The following CSMD1 variants were observed in gnomAD, a reference collection of about 807,000 sequenced individuals.
CSMD1 encodes the protein CUB and sushi domain-containing protein 1.
CSMD1 carries 213 observed loss-of-function variants against 417.5 expected under a neutral mutation model. That is an observed-to-expected ratio of 0.51 (90% CI 0.46 to 0.57). CSMD1 has a LOEUF of 0.57. Ranked by LOEUF, CSMD1 falls within the 20% of genes least tolerant of loss-of-function variation. The probability of loss-of-function intolerance (pLI) is 0.00; values close to 1 mark genes in which losing one functional copy is unlikely to be tolerated. For synonymous variants in CSMD1, 2,862 were observed against 1,736.8 expected, an observed-to-expected ratio of 1.65 and a Z score of -16.11; for missense variants, 6,923 against 4,529.7, an observed-to-expected ratio of 1.53 and a Z score of -15.17.
intron 5 of CSMD1, among the ~76,000 whole-genome samples, chr8:3,910,867 G>C (rs1009400272): frequency 3.3e-5 from 5 of 152,172 alleles, no homozygotes; most frequent in Non-Finnish European, 5.9e-5. Flanking sequence ...TGGATGCAAT[G>C]AATTTCAAGA....
intron 1 of CSMD1, among the ~76,000 whole-genome samples, chr8:4,781,018 C>A (rs1797126047): frequency 6.6e-6 from 1 of 152,194 alleles, no homozygotes; most frequent in Non-Finnish European, 1.5e-5. Flanking sequence ...AGGGTAATTA[C>A]CACCTGCAAA....
At chr8:4,873,181 G>A (rs1802834560) in intron 1 of CSMD1, among the ~76,000 whole-genome samples, 2 of 152,204 alleles carry the variant, frequency 1.3e-5, no homozygotes, top group East Asian at 1.9e-4. Flanking sequence ...ATGATAGGAG[G>A]TGGCAACAAT....
At chr8:3,232,114 G>C (rs1014190223) in intron 26 of CSMD1, among the ~76,000 whole-genome samples, 2 of 152,140 alleles carry the variant, frequency 1.3e-5, no homozygotes, top group Non-Finnish European at 2.9e-5. Flanking sequence ...TCAATGCGTA[G>C]AACATACCCT....
intron 1 of CSMD1, among the ~76,000 whole-genome samples, chr8:4,928,563 T>G (rs1018692097): frequency 8.3e-4 from 126 of 152,284 alleles, no homozygotes; most frequent in African/African-American, 3.0e-3. Context: ...AATTCCAGTC[T>G]TGCAGATGTG....
In CSMD1 at chr8:3,215,844, A is replaced by T. The variant is rs553908545; in HGVS notation, c.4673-1153T>A. The stretch of plus-strand genomic sequence containing the variant: ...ACTTTGGGAAGCTCTGGAGGAAGAA[A>T]AAGAGACCTGATTAACTGTATTTAT... On this transcript the variant is annotated intron_variant, in intron 29 of 69. Transcript: ENST00000635120. Among the ~76,000 whole-genome samples the T allele has an allele frequency of 3.2e-4, 49 of 152,160 alleles. 1 individual carries two copies. In the South Asian group the frequency reaches 5.6e-3, roughly 17 times the overall value.
intron 1 of CSMD1, among the ~76,000 whole-genome samples, chr8:4,933,207 G>C (rs5001121): frequency 6.6e-6 from 1 of 151,808 alleles, no homozygotes; most frequent in African/African-American, 2.4e-5. Flanking sequence ...CCTCTCTTCT[G>C]TCTTCTGAAT....
intron 1 of CSMD1, among the ~76,000 whole-genome samples, chr8:4,776,292 A>G (rs10107565): frequency 0.17 from 25,693 of 152,170 alleles, 2,277 homozygotes; most frequent in East Asian, 0.28. Context: ...AGCAGCATGT[A>G]TATAATATTA....
At chr8:4,664,019 T>C (rs1804767824) in intron 1 of CSMD1, among the ~76,000 whole-genome samples, 1 of 152,142 alleles carries the variant, frequency 6.6e-6, no homozygotes, top group Non-Finnish European at 1.5e-5. Context: ...CACAACACAA[T>C]GCTGTTCTGA....
intron 47 of CSMD1, among the ~76,000 whole-genome samples, chr8:3,094,288 G>A (rs185969058): frequency 3.7e-4 from 56 of 151,948 alleles, no homozygotes; most frequent in African/African-American, 1.3e-3. Flanking sequence ...GTATTTTTTA[G>A]CAGAGACGGT....
At chr8:4,295,485 T>G (rs1334870058) in intron 3 of CSMD1, among the ~76,000 whole-genome samples, 2 of 142,192 alleles carry the variant, frequency 1.4e-5, no homozygotes, top group African/African-American at 2.5e-5. Context: ...CATATAATCT[T>G]AAGATTAAAT....
At chr8:4,737,748 G>C (rs769488733) in intron 1 of CSMD1, among the ~76,000 whole-genome samples, 1 of 152,124 alleles carries the variant, frequency 6.6e-6, no homozygotes, top group Admixed American at 6.5e-5. Context: ...TCAATGCAAA[G>C]GCAATAGAAA....
intron 2 of CSMD1, among the ~76,000 whole-genome samples, chr8:4,621,842 G>A (rs1260460611): frequency 6.6e-6 from 1 of 151,886 alleles, no homozygotes; most frequent in African/African-American, 2.4e-5. Context: ...CGACCAAGTA[G>A]GCTGTACTCT....
chr8:4,420,656 G>A (rs749980053), intron 2 of CSMD1, among the ~76,000 whole-genome samples: 4 of 152,100 alleles, frequency 2.6e-5, no homozygotes, highest in Non-Finnish European at 5.9e-5. Flanking sequence ...TGTTTCAGTT[G>A]GATTCCAAGC....
intron 62 of CSMD1, among the ~76,000 whole-genome samples, chr8:2,959,556 T>C (rs1239246888): frequency 6.8e-6 from 1 of 148,144 alleles, no homozygotes; most frequent in Non-Finnish European, 1.5e-5. Flanking sequence ...TCCTTCTCAA[T>C]AATTTTTTTT....
At chr8:3,785,403 G>A (rs1799404086) in intron 5 of CSMD1, among the ~76,000 whole-genome samples, 2 of 152,284 alleles carry the variant, frequency 1.3e-5, no homozygotes, top group Admixed American at 1.3e-4. Flanking sequence ...GGTCTGTTCT[G>A]GTGAGAGGTC....
At chr8:3,653,827 A>T (rs577691999) in intron 7 of CSMD1, among the ~76,000 whole-genome samples, 24 of 152,284 alleles carry the variant, frequency 1.6e-4, no homozygotes, top group African/African-American at 5.3e-4. Context: ...TATTTGATAG[A>T]TTTAAATATA....
At chr8:4,440,934 T>C (rs912126870) in intron 2 of CSMD1, among the ~76,000 whole-genome samples, 13 of 151,012 alleles carry the variant, frequency 8.6e-5, no homozygotes, top group Non-Finnish European at 1.6e-4. Context: ...GAGGCGGAGG[T>C]TGCAGCGAGC....
Position 3,577,849 on chromosome 8 carries a change from T to A in CSMD1, c.1223-2783A>T, listed in dbSNP as rs565511094. Among the ~76,000 whole-genome samples, 8 of 152,332 alleles carry A rather than the reference T, an allele frequency of 5.3e-5. No homozygotes were observed. The South Asian group carries it at 6.2e-4, about 12-fold the overall frequency. ...GTTATTGCCTCCTTGCATCTAGGGT[T>A]TTCTACTAGTCAGAATCACCCTCAG... On this transcript the variant is annotated intron_variant, in intron 9 of 69. Coordinates refer to ENST00000635120, the MANE Select transcript of CSMD1 (RefSeq NM_033225.6).
intron 21 of CSMD1, among the ~76,000 whole-genome samples, chr8:3,351,385 C>T (rs571440075): frequency 7.2e-5 from 11 of 151,920 alleles, no homozygotes; most frequent in South Asian, 2.1e-4. Flanking sequence ...CCGAGGCAGG[C>T]GGATCACCTG....
Sources: allele counts gnomAD v4.1 joint callset (sites outside exome capture counted in the v4.1 genomes callset), GRCh38; gene constraint gnomAD v4.1.1; transcripts MANE v1.5; gene names NCBI Gene and HGNC (gene_info 2026-07-23, HGNC 2026-07-21).